Variants in LARS2 observed in about 807,000 individuals in gnomAD.
The protein encoded by LARS2 is leucine--tRNA ligase, mitochondrial.
A neutral mutation model predicts 116.6 loss-of-function variants in LARS2; 81 were observed. The observed-to-expected ratio is 0.69, with a 90% CI of 0.58 to 0.84. The LOEUF is 0.84. LARS2 is among the 40% of genes least tolerant of loss of function. LARS2 has a pLI of 0.00. For missense variants in LARS2, 968 were observed against 1,114.5 expected, an observed-to-expected ratio of 0.87 and a Z score of 1.87; for synonymous variants, 396 against 407.2, an observed-to-expected ratio of 0.97 and a Z score of 0.33.
At chr3:45,492,916 A>T (rs1453835445) in intron 13 of LARS2, among the ~76,000 whole-genome samples, 1 of 152,182 alleles carries the variant, frequency 6.6e-6, no homozygotes, top group African/African-American at 2.4e-5. Flanking sequence ...TGTTGGCTCC[A>T]GGAGGAAAAT....
chr3:45,478,265 A>T (rs1358558514), intron 10 of LARS2, among the ~76,000 whole-genome samples: 1 of 152,256 alleles, frequency 6.6e-6, no homozygotes, highest in Non-Finnish European at 1.5e-5. Flanking sequence ...TTTTACTCTC[A>T]TGAGCAATTT....
chr3:45,488,652 G>T, intron 11 of LARS2, 45 bp from the exon 12 acceptor site: 1 of 1,160,332 alleles, frequency 8.6e-7, no homozygotes, highest in Non-Finnish European at 1.3e-6. Flanking sequence ...TTTGTGATTT[G>T]GGCACTTGTG....
intron 15 of LARS2, among the ~76,000 whole-genome samples, chr3:45,502,320 G>T (rs1362847820): frequency 1.3e-5 from 2 of 151,922 alleles, no homozygotes; most frequent in South Asian, 2.1e-4. Flanking sequence ...ATTGCAAGTA[G>T]TTTTTTCTAG....
intron 13 of LARS2, among the ~76,000 whole-genome samples, chr3:45,493,585 G>A (rs1423889939): frequency 3.9e-5 from 6 of 152,104 alleles, no homozygotes; most frequent in African/African-American, 1.4e-4. Flanking sequence ...TGAAAAATGG[G>A]GATATGAGCA....
intron 21 of LARS2, among the ~76,000 whole-genome samples, chr3:45,546,384 C>T (rs974630794): frequency 4.6e-5 from 7 of 152,190 alleles, no homozygotes; most frequent in African/African-American, 1.7e-4. Flanking sequence ...CATGGAGCCT[C>T]ACGCTTTCAA....
intron 7 of LARS2, among the ~76,000 whole-genome samples, chr3:45,450,054 CTT>C: frequency 6.6e-6 from 1 of 152,186 alleles, no homozygotes; most frequent in South Asian, 2.1e-4. Context: ...TCTTAAAACT[CTT>C]TTTTAAAAAG....
Position 45,485,770 on chromosome 3 carries a change from T to C in LARS2, c.1097T>C (p.Leu366Ser). The C allele has an allele frequency of 6.2e-7, 1 of 1,610,576 alleles. No homozygotes were observed. The highest frequency in any genetic ancestry group is 1.1e-5 in the South Asian group (1 of 90,806). Residue 366 changes from leucine (L) to serine (S), a missense_variant, in exon 11 of 22, where the codon TTG becomes TCG. Transcript: ENST00000645846. ...VPVVILAKADLEGSLDSKIGI... is the reference protein window; with the variant it reads ...VPVVILAKADSEGSLDSKIGI... ...GTCGTTATTTTGGCCAAAGCTGACT[T>C]GGAAGGCTCTCTGGATTCAAAAATA...
chr3:45,479,859 A>G (rs1009333943), intron 10 of LARS2, among the ~76,000 whole-genome samples: 1 of 150,070 alleles, frequency 6.7e-6, no homozygotes, highest in Non-Finnish European at 1.5e-5. Flanking sequence ...GGAACCACAC[A>G]CTTCAGCTCT....
At chr3:45,523,928 T>C (rs1435683848) in intron 19 of LARS2, 69 bp from the exon 20 acceptor site, 10 of 1,140,572 alleles carry the variant, frequency 8.8e-6, no homozygotes, top group Non-Finnish European at 4.0e-6. Flanking sequence ...TTCAGATACA[T>C]TAATGGTCTT....
At chr3:45,404,471 AG>A (rs1186105572) in intron 4 of LARS2, among the ~76,000 whole-genome samples, 1 of 152,140 alleles carries the variant, frequency 6.6e-6, no homozygotes, top group Non-Finnish European at 1.5e-5. Context: ...GCCCAGTGTC[AG>A]GATTGGTCCC....
chr3:45,400,236 C>A lies in LARS2; in HGVS notation c.235-9C>A. ...TGCTTAATAAATACTCATTGTCGTT[C>A]TTTCCTAGAAATCGAAGCCAAAATT... On this transcript the variant is annotated splice_polypyrimidine_tract_variant and intron_variant, in intron 3 of 21. Transcript: ENST00000645846. 6.2e-7 allele frequency: 1 copy of A among 1,611,732 alleles called. No individual in the cohort carries two copies. Among genetic ancestry groups the A allele is most frequent in the South Asian group, 1.1e-5 (1 of 90,606 alleles).
chr3:45,496,646 G>A (rs1178261514), intron 14 of LARS2, among the ~76,000 whole-genome samples: 2 of 152,184 alleles, frequency 1.3e-5, no homozygotes, highest in African/African-American at 4.8e-5. Flanking sequence ...CCAGTGGGAA[G>A]GCCCAAGCAA....
At chr3:45,519,526 A>G (rs1001327573) in intron 18 of LARS2, among the ~76,000 whole-genome samples, 10 of 147,822 alleles carry the variant, frequency 6.8e-5, no homozygotes, top group African/African-American at 1.5e-4. Context: ...ACCTTATCCC[A>G]TATTCTAAAA....
At chr3:45,403,212 A>T (rs1217751879) in intron 4 of LARS2, among the ~76,000 whole-genome samples, 1 of 152,088 alleles carries the variant, frequency 6.6e-6, no homozygotes, top group Non-Finnish European at 1.5e-5. Context: ...GTGATAAAGA[A>T]TCTAGTTGTG....
chr3:45,456,444 G>C (rs112528114), intron 7 of LARS2, among the ~76,000 whole-genome samples: 32 of 152,132 alleles, frequency 2.1e-4, no homozygotes, highest in African/African-American at 7.7e-4. Flanking sequence ...TTAGCTGGGC[G>C]TGGTGGTGGG....
intron 6 of LARS2, among the ~76,000 whole-genome samples, chr3:45,436,780 G>A (rs141208265): frequency 0.022 from 2,937 of 131,334 alleles, 68 homozygotes; most frequent in African/African-American, 0.071. Context: ...CGGCCTGGGC[G>A]ACAGAGCGAG....
intron 4 of LARS2, among the ~76,000 whole-genome samples, chr3:45,401,308 C>A (rs1171071574): frequency 1.3e-5 from 2 of 151,860 alleles, no homozygotes; most frequent in Non-Finnish European, 2.9e-5. Context: ...TCGAGACCAG[C>A]CTGAGCAATG....
chr3:45,486,805 G>A (rs1418046533), intron 11 of LARS2, among the ~76,000 whole-genome samples: 1 of 152,056 alleles, frequency 6.6e-6, no homozygotes, highest in East Asian at 1.9e-4. Flanking sequence ...TAAACATAAA[G>A]GCAGTTTTTA....
Position 45,446,958 on chromosome 3 carries a change from C to G in LARS2, c.584C>G (p.Ala195Gly). Reference sequence around the variant, plus strand: ...TATCTCTTTATTAAACTGTATGAGGCTGGGCTGGCCTATCAAAAGGAGGTA... The same window carrying G: ...TATCTCTTTATTAAACTGTATGAGGGTGGGCTGGCCTATCAAAAGGAGGTA... ...TQYLFIKLYE[A>G]GLAYQKEALV... The change falls in exon 7 of 22, where the codon GCT becomes GGT. Residue 195 changes from alanine to glycine, a missense_variant. By Grantham distance (60) the Ala-to-Gly change is moderately conservative. Coordinates refer to ENST00000645846, the MANE Select transcript of LARS2 (RefSeq NM_015340.4). 1 of 1,604,158 alleles carries G rather than the reference C, an allele frequency of 6.2e-7. No homozygotes were observed. Among genetic ancestry groups the G allele is most frequent in the Non-Finnish European group, 8.5e-7 (1 of 1,172,364 alleles).
Sources: gnomAD v4.1 joint callset for allele counts (sites outside exome capture counted in the v4.1 genomes callset) on GRCh38, gnomAD v4.1.1 for gene constraint, MANE v1.5 for transcripts, NCBI Gene and HGNC (gene_info 2026-07-23, HGNC 2026-07-21) for gene names.